The following FCSK variants were observed in gnomAD, a reference collection of about 807,000 sequenced individuals.
The protein encoded by FCSK is fucose kinase, also known as L-fucose kinase.
A neutral mutation model predicts 122.5 loss-of-function variants in FCSK; 123 were observed. That is an observed-to-expected ratio of 1.00 (90% CI 0.87 to 1.17). The LOEUF (loss-of-function observed/expected upper bound fraction) is 1.17. Among genes scored for constraint, FCSK ranks in the 50% most tolerant of loss-of-function variants. FCSK has a pLI of 0.00. For synonymous variants in FCSK, 620 were observed against 625.5 expected (o/e 0.99, Z 0.13); for missense variants, 1,366 against 1,450.4 (o/e 0.94, Z 0.95).
At chr16:70,454,703 G>C (rs1315609251) in intron 1 of FCSK, 73 bp downstream of exon 1, 2 of 147,120 alleles carry the variant, frequency 1.4e-5, no homozygotes, top group East Asian at 3.9e-4. Context: ...TCAGCTTTCC[G>C]GTGCACCCTC....
intron 11 of FCSK, 41 bp from the exon 12 acceptor site, chr16:70,470,930 G>A (rs2048592374): frequency 1.3e-6 from 2 of 1,517,344 alleles, no homozygotes; most frequent in Admixed American, 2.0e-5. Context: ...GGCAGCCCTG[G>A]GCCTCGACCC....
intron 22 of FCSK, 108 bp downstream of exon 22, chr16:70,478,758 G>A (rs761604546): frequency 1.1e-5 from 10 of 914,416 alleles, no homozygotes; most frequent in African/African-American, 3.3e-5. Flanking sequence ...CCAGATATTC[G>A]GCCTCTGGGA....
chr16:70,475,580 G>C, intron 19 of FCSK, 68 bp from the exon 20 acceptor site: 3 of 1,580,342 alleles, frequency 1.9e-6, no homozygotes, highest in Non-Finnish European at 2.6e-6. Context: ...TCTGCCCTTA[G>C]ACGGAGTCAG....
rs1372252645 is a variant in FCSK, at chr16:70,467,449, G to A, written c.560G>A (p.Gly187Asp). The A allele has an allele frequency of 3.7e-6, 6 of 1,606,906 alleles. No homozygotes were observed. The highest frequency in any genetic ancestry group is 5.1e-6 in the Non-Finnish European group (6 of 1,177,206). Residue 187 changes from glycine (G) to aspartate (D), a missense_variant, in exon 7 of 24, where the codon GGC (glycine) becomes GAC (aspartate). By Grantham distance (94) the Gly-to-Asp change is moderately conservative. Coordinates refer to ENST00000288078, the MANE Select transcript of FCSK (RefSeq NM_145059.3). ...PGSPAYAQNH[G>D]VYLTDPQGLV... ...AGCCCGGCCTACGCTCAGAATCATG[G>A]CGTCTACCTAACTGACCCCCAGGTA...
chr16:70,467,096 C>T lies in FCSK; in HGVS notation c.484+142C>T, dbSNP rs555615636. 23 of 805,066 alleles carry T rather than the reference C, an allele frequency of 2.9e-5. No homozygotes were observed. The East Asian group carries it at 5.3e-4, about 18-fold the overall frequency. 49.9% of individuals were successfully genotyped at this position (805,066 alleles called of 1,614,324 possible). A position where few individuals can be genotyped will look rare whatever the true frequency, so the allele number is the denominator to read the frequency against. On this transcript the variant is annotated intron_variant, in intron 6 of 23. Transcript: ENST00000288078. Reference sequence around the variant, plus strand: ...AGCTGGAGGGTGTGGAGAATGAAGCCTGGTGGAGGCAGGGCTTCTCCTGCT... The same window carrying T: ...AGCTGGAGGGTGTGGAGAATGAAGCTTGGTGGAGGCAGGGCTTCTCCTGCT...
chr16:70,470,987 C>T lies in FCSK; in HGVS notation c.1085C>T (p.Ala362Val), dbSNP rs750069837. Residue 362 changes from alanine (A) to valine (V), a missense_variant, in exon 12 of 24, where the codon GCG (alanine) becomes GTG (valine). Ala to Val is a moderately conservative substitution (Grantham distance 64). Transcript: ENST00000288078. ...GCTGCACAGGAGCAGCAGCTTCTGG[C>T]GGCCGGGAGCTCTGTGGTCAGCTGC... Reference protein sequence around the residue: ...HSQVEEQQLLAAGSSVVSCLL... With the variant: ...HSQVEEQQLLVAGSSVVSCLL... 1.1e-5 allele frequency: 17 copies of T among 1,592,108 alleles called. No homozygotes were observed. Among genetic ancestry groups the T allele is most frequent in the Admixed American group, 5.2e-5 (3 of 57,404 alleles).
At chr16:70,471,968 G>A (rs2048638106) in intron 13 of FCSK, among the ~76,000 whole-genome samples, 1 of 152,054 alleles carries the variant, frequency 6.6e-6, no homozygotes, top group East Asian at 1.9e-4. Flanking sequence ...ACCACGCCTG[G>A]CAAATTTTTT....
At chr16:70,462,482 C>T (rs1482120695) in intron 1 of FCSK, among the ~76,000 whole-genome samples, 5 of 152,208 alleles carry the variant, frequency 3.3e-5, no homozygotes, top group African/African-American at 4.8e-5. Context: ...CACGCCACCA[C>T]GCCTGCCTAA....
At chr16:70,461,661 G>A (rs2048269085) in intron 1 of FCSK, among the ~76,000 whole-genome samples, 1 of 151,282 alleles carries the variant, frequency 6.6e-6, no homozygotes, top group African/African-American at 2.5e-5. Flanking sequence ...CCTTCTCCGG[G>A]GAACCCCCAT....
intron 20 of FCSK, 197 bp downstream of exon 20, chr16:70,475,964 C>G: frequency 1.9e-6 from 1 of 529,224 alleles, no homozygotes; most frequent in Non-Finnish European, 3.1e-6. Context: ...CCCAACGAGC[C>G]GTTTCACAAG....
At position 70,470,355 on chromosome 16, in the gene FCSK, G is replaced by A. The variant is rs574604737; in HGVS notation, c.997G>A (p.Ala333Thr). 13 of 1,613,772 alleles carry A rather than the reference G, an allele frequency of 8.1e-6. No individual in the cohort carries two copies. In the South Asian group the frequency reaches 1.3e-4, roughly 16 times the overall value. The part of the protein sequence containing the change: ...SGSYSYMTSS[A>T]SEFLLSLTLP... ...CAGCTACAGCTACATGACCTCCTCA[G>A]CCAGTGAGTTCCTGCTCAGCCTCAC... The change falls in exon 11 of 24, where the codon GCC becomes ACC. Residue 333 changes from alanine (A) to threonine (T), a missense_variant. Coordinates refer to ENST00000288078, the MANE Select transcript of FCSK (RefSeq NM_145059.3).
chr16:70,470,825 G>T (rs946365607), intron 11 of FCSK, 146 bp from the exon 12 acceptor site: 2 of 699,148 alleles, frequency 2.9e-6, no homozygotes, highest in African/African-American at 1.8e-5. Context: ...CTGGGGCCAA[G>T]GCAGGTCCAG....
Position 70,479,596 on chromosome 16 carries a change from CATCCACCTG to C in FCSK, c.3172_3180del (p.Ile1058_Leu1060del), listed in dbSNP as rs772647815. The C allele has an allele frequency of 6.2e-7, 1 of 1,613,968 alleles. No individual in the cohort carries two copies. Among genetic ancestry groups the C allele is most frequent in the South Asian group, 1.1e-5 (1 of 91,050 alleles). On this transcript the variant is annotated inframe_deletion, in exon 24 of 24. Coordinates refer to ENST00000288078, the MANE Select transcript of FCSK (RefSeq NM_145059.3). ...TTGTCCAGGGCCTTGGGAATTACAG[CATCCACCTG>C]GTTGAAGTGGACACTCAGGGCCTGA...
At chr16:70,459,480 G>T (rs1329838515) in intron 1 of FCSK, among the ~76,000 whole-genome samples, 1 of 152,118 alleles carries the variant, frequency 6.6e-6, no homozygotes, top group African/African-American at 2.4e-5. Flanking sequence ...GGAGATTACA[G>T]TGAGCTGAGA....
intron 23 of FCSK, 83 bp downstream of exon 23, chr16:70,479,486 T>C: frequency 3.4e-6 from 5 of 1,478,848 alleles, no homozygotes; most frequent in Non-Finnish European, 4.6e-6. Flanking sequence ...AGGGGCTATA[T>C]CTGTAAGTCC....
Position 70,466,136 on chromosome 16 carries a change from G to A in FCSK, c.290G>A (p.Arg97Gln), listed in dbSNP as rs1288279655. ...CACCAGTCCCCCGACTTCCAGGGTC[G>A]AGACTTCCCCTTTGATGACTGTGGC... Reference protein sequence around the residue: ...SAWILILHMGRDFPFDDCGRA... With the variant: ...SAWILILHMGQDFPFDDCGRA... Residue 97 changes from arginine (R) to glutamine (Q), a missense_variant, in exon 5 of 24, where the codon CGA becomes CAA. Transcript: ENST00000288078. The A allele has an allele frequency of 9.9e-6, 16 of 1,613,642 alleles. No homozygotes were observed. The highest frequency in any genetic ancestry group is 1.7e-5 in the Admixed American group (1 of 59,972).
Position 70,463,066 on chromosome 16 carries a change from G to A in FCSK, c.-22-103G>A, listed in dbSNP as rs17885314. 0.013 allele frequency: 9,041 copies of A among 674,306 alleles called. 610 individuals are homozygous for A. The African/African-American group carries it at 0.14, about 11-fold the overall frequency. 41.8% of individuals were successfully genotyped at this position (674,306 alleles called of 1,614,324 possible). ...TGAGTGTAGATGGTGATACCAACACGAATCTATACACATGTTAAAATCATA... is the reference window on the plus strand; with the variant it reads ...TGAGTGTAGATGGTGATACCAACACAAATCTATACACATGTTAAAATCATA... On this transcript the variant is annotated intron_variant, in intron 1 of 23. Coordinates refer to ENST00000288078, the MANE Select transcript of FCSK (RefSeq NM_145059.3).
chr16:70,457,708 G>A (rs746173442), intron 1 of FCSK, among the ~76,000 whole-genome samples: 2 of 151,824 alleles, frequency 1.3e-5, no homozygotes, highest in Non-Finnish European at 2.9e-5. Flanking sequence ...CTGAGTAGCT[G>A]TGACTATAGG....
rs372307722 is a variant in FCSK at position 70,479,593 on chromosome 16, C to A, written c.3168C>A (p.Tyr1056Ter). The change falls in exon 24 of 24, where the codon TAC becomes TAA. Residue 1056 changes from tyrosine to a stop codon, truncating the protein, a stop_gained. Coordinates refer to ENST00000288078, the MANE Select transcript of FCSK (RefSeq NM_145059.3). LOFTEE classifies it high-confidence loss of function. ...GTCTTGTCCAGGGCCTTGGGAATTA[C>A]AGCATCCACCTGGTTGAAGTGGACA... ...VLAKTEGLGNYSIHLVEVDTQ... is the reference protein window; with the variant it reads ...VLAKTEGLGN The A allele has an allele frequency of 1.9e-6, 3 of 1,613,802 alleles. No homozygotes were observed.
Sources: allele counts gnomAD v4.1 joint callset (sites outside exome capture counted in the v4.1 genomes callset), GRCh38; gene constraint gnomAD v4.1.1; transcripts MANE v1.5; gene names NCBI Gene and HGNC (gene_info 2026-07-23, HGNC 2026-07-21).